Variants in RBFOX1 observed in about 807,000 individuals in gnomAD.
RBFOX1 encodes the protein RNA binding fox-1 homolog 1, also known as RNA binding protein fox-1 homolog 1.
A neutral mutation model predicts 57.7 loss-of-function variants in RBFOX1; 8 were observed. That is an observed-to-expected ratio of 0.14 (90% CI 0.08 to 0.25). The LOEUF (loss-of-function observed/expected upper bound fraction) is 0.25. RBFOX1 is among the 10% of genes least tolerant of loss of function. The probability of loss-of-function intolerance (pLI) is 1.00; values close to 1 mark genes in which losing one functional copy is unlikely to be tolerated. For missense variants in RBFOX1, 611 were observed against 548.5 expected, an observed-to-expected ratio of 1.11 and a Z score of -1.14; for synonymous variants, 326 against 222.4, an observed-to-expected ratio of 1.47 and a Z score of -4.15.
intron 3 of RBFOX1, among the ~76,000 whole-genome samples, chr16:6,749,928 CTG>C (rs1404879393): frequency 1.3e-5 from 2 of 152,168 alleles, no homozygotes; most frequent in Non-Finnish European, 2.9e-5. Context: ...GCCAAGCTGA[CTG>C]TGTCAGGGTG....
In RBFOX1 at chr16:6,168,904, G is replaced by A. The variant is rs371670004; in HGVS notation, c.-126-148091G>A. On this transcript the variant is annotated intron_variant, in intron 1 of 15. Coordinates refer to ENST00000550418, the MANE Select transcript of RBFOX1 (RefSeq NM_018723.4). ...TTTTCGTCCAGGGAAGATGGCTGAG[G>A]CATCCCAGCAGGGAGTCAGGAGTAG... 3.3e-5 allele frequency among the ~76,000 whole-genome samples: 5 copies of A among 152,000 alleles called. 1 individual carries two copies. The East Asian group carries it at 5.8e-4, about 18-fold the overall frequency.
At chr16:6,912,863 T>TC (rs913846904) in intron 3 of RBFOX1, among the ~76,000 whole-genome samples, 7 of 152,004 alleles carry the variant, frequency 4.6e-5, no homozygotes, top group African/African-American at 1.5e-4. Flanking sequence ...CAAGTGATCC[T>TC]CTTGCCTTGA....
intron 4 of RBFOX1, among the ~76,000 whole-genome samples, chr16:5,977,469 A>G (rs1436919089): frequency 6.6e-6 from 1 of 152,088 alleles, no homozygotes; most frequent in African/African-American, 2.4e-5. Flanking sequence ...TTAGTTCGAA[A>G]TGGAGAGACA....
At chr16:6,235,909 A>G (rs1051743164) in intron 1 of RBFOX1, among the ~76,000 whole-genome samples, 3 of 152,158 alleles carry the variant, frequency 2.0e-5, no homozygotes, top group Non-Finnish European at 2.9e-5. Context: ...GGTGCAGTGT[A>G]TACTGCTCGG....
At chr16:6,483,309 C>T (rs1436976839) in intron 2 of RBFOX1, 5 of 1,405,900 alleles carry the variant, frequency 3.6e-6, no homozygotes, top group Non-Finnish European at 4.6e-6. Context: ...CTCGCGCCCG[C>T]GCGCTCGGGG....
At chr16:7,356,709 T>C (rs1379038195) in intron 4 of RBFOX1, among the ~76,000 whole-genome samples, 1 of 152,242 alleles carries the variant, frequency 6.6e-6, no homozygotes, top group Non-Finnish European at 1.5e-5. Context: ...CTTTGCTTTT[T>C]AAATAAGACA....
chr16:5,484,349 C>T (rs1469520350), intron 2 of RBFOX1, among the ~76,000 whole-genome samples: 2 of 152,224 alleles, frequency 1.3e-5, no homozygotes, highest in Non-Finnish European at 2.9e-5. Context: ...GTAAGCAGCT[C>T]ACATCTTGGC....
chr16:5,680,630 G>A (rs1016171478), intron 3 of RBFOX1, among the ~76,000 whole-genome samples: 57 of 152,188 alleles, frequency 3.7e-4, no homozygotes, highest in African/African-American at 1.2e-3. Context: ...TAAAGTCAGC[G>A]GAGTGAAGGA....
At chr16:6,499,793 G>C (rs2095863861) in intron 2 of RBFOX1, among the ~76,000 whole-genome samples, 1 of 152,122 alleles carries the variant, frequency 6.6e-6, no homozygotes, top group South Asian at 2.1e-4. Flanking sequence ...TTGTGTCCCA[G>C]TCTCCAGTCA....
At position 7,282,559 on chromosome 16, in the gene RBFOX1, C is replaced by CTTTT. The variant is rs111692571; in HGVS notation, c.27+230468_27+230471dup. On this transcript the variant is annotated intron_variant, in intron 4 of 15. Transcript: ENST00000550418. The stretch of plus-strand genomic sequence containing the variant: ...GCTCTCTGTTCTCTGGTTGATTAAG[C>CTTTT]TTTTTTTTTTCCTGTTATCGTTCTT... 1.3e-3 allele frequency among the ~76,000 whole-genome samples: 195 copies of CTTTT among 149,606 alleles called. 1 individual carries two copies. The highest frequency in any genetic ancestry group is 2.0e-3 in the Admixed American group (30 of 14,990).
intron 4 of RBFOX1, among the ~76,000 whole-genome samples, chr16:5,961,031 G>A (rs571111101): frequency 3.9e-5 from 6 of 152,316 alleles, no homozygotes; most frequent in South Asian, 2.1e-4. Flanking sequence ...CGGCATGAAG[G>A]TGACATGGGT....
intron 2 of RBFOX1, among the ~76,000 whole-genome samples, chr16:6,341,442 C>T (rs570339995): frequency 9.9e-5 from 15 of 152,232 alleles, no homozygotes; most frequent in Non-Finnish European, 1.2e-4. Flanking sequence ...GATTCCTAGC[C>T]TCTAGATATT....
chr16:7,086,659 T>G (rs1400963370), intron 4 of RBFOX1, among the ~76,000 whole-genome samples: 1 of 151,968 alleles, frequency 6.6e-6, no homozygotes, highest in Non-Finnish European at 1.5e-5. Context: ...AACGATCAAG[T>G]TTTATGCCTG....
intron 1 of RBFOX1, among the ~76,000 whole-genome samples, chr16:6,292,443 C>A (rs531115135): frequency 6.6e-6 from 1 of 151,228 alleles, no homozygotes; most frequent in African/African-American, 2.4e-5. Context: ...AAGAGTTTAC[C>A]AAGAAATTAA....
chr16:5,588,196 G>C (rs2046895287), intron 2 of RBFOX1, among the ~76,000 whole-genome samples: 1 of 152,122 alleles, frequency 6.6e-6, no homozygotes, highest in Non-Finnish European at 1.5e-5. Context: ...GATTGCTTGG[G>C]GCTGTGGGAA....
rs182067631 is a variant in RBFOX1, at chr16:6,453,506, C to G, written c.-64+136449C>G. Among the ~76,000 whole-genome samples the G allele has an allele frequency of 3.7e-4, 57 of 152,172 alleles. No homozygotes were observed. In the East Asian group the frequency reaches 6.6e-3, roughly 18 times the overall value. The stretch of plus-strand genomic sequence containing the variant: ...GAAGAAGCCGAATCCCTTAATAGAC[C>G]AATAACAAGTTCTGAAATTGAGGCA... On this transcript the variant is annotated intron_variant, in intron 2 of 15. Coordinates refer to ENST00000550418, the MANE Select transcript of RBFOX1 (RefSeq NM_018723.4).
chr16:6,626,803 T>C (rs571097939), intron 2 of RBFOX1, among the ~76,000 whole-genome samples: 48 of 152,042 alleles, frequency 3.2e-4, no homozygotes, highest in Non-Finnish European at 6.3e-4. Flanking sequence ...AAATAAAGTA[T>C]AGAATTCAGT....
intron 3 of RBFOX1, among the ~76,000 whole-genome samples, chr16:6,683,386 G>T (rs1473799287): frequency 6.6e-6 from 1 of 152,062 alleles, no homozygotes; most frequent in Non-Finnish European, 1.5e-5. Context: ...TGGTTATGTA[G>T]GAGACTGTCT....
chr16:7,418,253 C>G (rs544256010), intron 4 of RBFOX1, among the ~76,000 whole-genome samples: 189 of 152,314 alleles, frequency 1.2e-3, no homozygotes, highest in Non-Finnish European at 1.6e-3. Flanking sequence ...AGAGGTTTGC[C>G]AGAGGTAAAC....
Sources: allele counts gnomAD v4.1 joint callset (sites outside exome capture counted in the v4.1 genomes callset), GRCh38; gene constraint gnomAD v4.1.1; transcripts MANE v1.5; gene names NCBI Gene and HGNC (gene_info 2026-07-23, HGNC 2026-07-21).